TBC1D5: variants seen among roughly 807,000 people sequenced by gnomAD.
TBC1D5 encodes the protein TBC1 domain family member 5.
A neutral mutation model predicts 100.3 loss-of-function variants in TBC1D5; 75 were observed. That is an observed-to-expected ratio of 0.75 (90% confidence interval 0.62 to 0.91). The LOEUF is 0.91. Ranked by LOEUF, TBC1D5 falls within the 40% of genes least tolerant of loss-of-function variation. The pLI is 0.00. For missense variants in TBC1D5, 910 were observed against 942.4 expected (o/e 0.97, Z 0.45); for synonymous variants, 323 against 325.6 (o/e 0.99, Z 0.09).
chr3:17,685,472 C>T (rs1560462300), intron 1 of TBC1D5, among the ~76,000 whole-genome samples: 1 of 151,624 alleles, frequency 6.6e-6, no homozygotes, highest in Non-Finnish European at 1.5e-5. Flanking sequence ...GCAAAATAAC[C>T]TAAATAATAA....
intron 1 of TBC1D5, among the ~76,000 whole-genome samples, chr3:17,653,063 T>C (rs2065731737): frequency 6.6e-6 from 1 of 152,142 alleles, no homozygotes; most frequent in African/African-American, 2.4e-5. Context: ...GTCACTATTA[T>C]TCCACTTACA....
In TBC1D5 at chr3:17,602,455, T is replaced by C. The variant is rs562944810; in HGVS notation, c.-36+21394A>G. Reference sequence around the variant, plus strand: ...TGAAAATGTAGATAGCTAAGCTCTGTGCTTCAGTCAATGTGATGAGCATTA... The same window carrying C: ...TGAAAATGTAGATAGCTAAGCTCTGCGCTTCAGTCAATGTGATGAGCATTA... On this transcript the variant is annotated intron_variant, in intron 2 of 21. Transcript: ENST00000253692. 5.9e-5 allele frequency among the ~76,000 whole-genome samples: 9 copies of C among 152,200 alleles called. No individual in the cohort carries two copies. The South Asian group carries it at 1.7e-3, about 28-fold the overall frequency.
In TBC1D5 at chr3:17,519,617, C is replaced by CT. The variant is rs541653528; in HGVS notation, c.-35-11013dup. ...GGGACCTGTTTTACTCATCTATACT[C>CT]TAAGTTACTAGCACCCCAGAACTTG... On this transcript the variant is annotated intron_variant, in intron 2 of 21. Coordinates refer to ENST00000253692, the Ensembl canonical transcript of TBC1D5. Among the ~76,000 whole-genome samples, 15 of 152,290 alleles carry CT rather than the reference C, an allele frequency of 9.8e-5. No individual in the cohort carries two copies. The East Asian group carries it at 1.9e-3, about 20-fold the overall frequency.
Position 17,380,045 on chromosome 3 carries a change from ATGTG to A in TBC1D5, c.613-3436_613-3433del, listed in dbSNP as rs3041142. Among the ~76,000 whole-genome samples, 139 of 112,484 alleles carry A rather than the reference ATGTG, an allele frequency of 1.2e-3. No homozygotes were observed. In the East Asian group the frequency reaches 0.014, roughly 11 times the overall value. The allele number at this position is 112,484 out of a possible 152,430, so 73.8% of individuals were successfully genotyped here. A position where few individuals can be genotyped will look rare whatever the true frequency, so the allele number is the denominator to read the frequency against. On this transcript the variant is annotated intron_variant, in intron 9 of 21. Coordinates refer to ENST00000253692, the Ensembl canonical transcript of TBC1D5. The stretch of plus-strand genomic sequence containing the variant: ...GGACACTGTACAGCTGTGACTGTGT[ATGTG>A]TGTGTGTGTGTGTGTGTGTGTGTGT...
intron 2 of TBC1D5, among the ~76,000 whole-genome samples, chr3:17,614,866 A>T (rs1451940847): frequency 6.6e-6 from 1 of 152,124 alleles, no homozygotes; most frequent in Non-Finnish European, 1.5e-5. Context: ...CTAATTGAAT[A>T]TCCTTTATTT....
chr3:17,731,170 A>G (rs1461179398), intron 1 of TBC1D5, among the ~76,000 whole-genome samples: 1 of 152,162 alleles, frequency 6.6e-6, no homozygotes, highest in Admixed American at 6.5e-5. Flanking sequence ...AGTATTTTTT[A>G]CTTTTTTACA....
intron 1 of TBC1D5, among the ~76,000 whole-genome samples, chr3:17,658,848 G>C (rs2153736292): frequency 6.6e-6 from 1 of 152,298 alleles, no homozygotes; most frequent in South Asian, 2.1e-4. Context: ...TTTTTCAGTA[G>C]AGACAGGGTT....
At chr3:17,714,975 C>A (rs4909012) in intron 1 of TBC1D5, among the ~76,000 whole-genome samples, 86,897 of 151,960 alleles carry the variant, frequency 0.57, 25,664 homozygotes, top group East Asian at 0.99. Flanking sequence ...GTTTAAGACA[C>A]ACTAGACTTA....
chr3:17,645,343 T>G (rs1435472546), intron 1 of TBC1D5, among the ~76,000 whole-genome samples: 1 of 152,086 alleles, frequency 6.6e-6, no homozygotes, highest in Admixed American at 6.6e-5. Context: ...CAGTTATAAT[T>G]ATAGCTGGGA....
chr3:17,619,992 G>C (rs1413663344), intron 2 of TBC1D5, among the ~76,000 whole-genome samples: 2 of 152,164 alleles, frequency 1.3e-5, no homozygotes, highest in African/African-American at 4.8e-5. Context: ...GGCAAAAATG[G>C]AAGTTTCACC....
intron 1 of TBC1D5, among the ~76,000 whole-genome samples, chr3:17,706,812 A>G (rs1446441790): frequency 6.6e-6 from 1 of 151,906 alleles, no homozygotes; most frequent in Non-Finnish European, 1.5e-5. Flanking sequence ...TTGTATAAAA[A>G]TCCTTTAACA....
chr3:17,311,373 G>T (rs1403016856), intron 13 of TBC1D5, among the ~76,000 whole-genome samples: 2 of 151,916 alleles, frequency 1.3e-5, no homozygotes, highest in Non-Finnish European at 2.9e-5. Context: ...ATTAAGATCT[G>T]CAGAAACAGA....
At chr3:17,691,158 A>G (rs947939746) in intron 1 of TBC1D5, among the ~76,000 whole-genome samples, 1 of 152,194 alleles carries the variant, frequency 6.6e-6, no homozygotes, top group African/African-American at 2.4e-5. Context: ...GAAAACACCT[A>G]TATAAAGTTG....
At chr3:17,489,868 T>C (rs1440770415) in intron 3 of TBC1D5, among the ~76,000 whole-genome samples, 1 of 152,214 alleles carries the variant, frequency 6.6e-6, no homozygotes, top group Non-Finnish European at 1.5e-5. Flanking sequence ...TTCAGGTACA[T>C]ATACAGTAAC....
chr3:17,358,771 A>C (rs1453189946), intron 13 of TBC1D5, among the ~76,000 whole-genome samples: 1 of 152,188 alleles, frequency 6.6e-6, no homozygotes, highest in African/African-American at 2.4e-5. Context: ...TAATTAAAAA[A>C]TTCGAGTATT....
intron 3 of TBC1D5, among the ~76,000 whole-genome samples, chr3:17,468,935 A>C (rs2095341113): frequency 6.6e-6 from 1 of 152,226 alleles, no homozygotes; most frequent in Admixed American, 6.5e-5. Flanking sequence ...ACTCTGCACC[A>C]GGATATCAAA....
At chr3:17,263,366 C>CAAAAAAAAAAAAAAAAAA (rs71049192) in intron 15 of TBC1D5, among the ~76,000 whole-genome samples, 1 of 80,992 alleles carries the variant, frequency 1.2e-5, no homozygotes, top group African/African-American at 4.7e-5. Flanking sequence ...ACCCTGTCTC[C>CAAAAAAAAAAAAAAAAAA]AAAAAAAAAA....
chr3:17,262,681 C>T (rs762199192), intron 15 of TBC1D5, among the ~76,000 whole-genome samples: 4 of 151,846 alleles, frequency 2.6e-5, no homozygotes, highest in African/African-American at 4.8e-5. Context: ...TGAGGTTTCA[C>T]CATGATAGCC....
chr3:17,727,426 C>G (rs1002530694), intron 1 of TBC1D5, among the ~76,000 whole-genome samples: 1 of 151,982 alleles, frequency 6.6e-6, no homozygotes, highest in African/African-American at 2.4e-5. Flanking sequence ...GGAAGCTTAG[C>G]CAGTGTGGTG....
Sources: allele counts gnomAD v4.1 joint callset (sites outside exome capture counted in the v4.1 genomes callset), GRCh38; gene constraint gnomAD v4.1.1; transcripts MANE v1.5; gene names NCBI Gene and HGNC (gene_info 2026-07-23, HGNC 2026-07-21).